The following ASIC2 variants were observed in gnomAD, a reference collection of about 807,000 sequenced individuals.
The protein encoded by ASIC2 is acid sensing ion channel subunit 2.
A neutral mutation model predicts 57.3 loss-of-function variants in ASIC2; 25 were observed. That is an observed-to-expected ratio of 0.44 (90% CI 0.32 to 0.61). ASIC2 has a LOEUF of 0.61. Among genes scored for constraint, ASIC2 ranks in the 20% least tolerant of loss-of-function variants. ASIC2 has a pLI of 0.06. For synonymous variants in ASIC2, 319 were observed against 307.5 expected, an observed-to-expected ratio of 1.04 and a Z score of -0.39; for missense variants, 641 against 738.1, an observed-to-expected ratio of 0.87 and a Z score of 1.52.
intron 1 of ASIC2, among the ~76,000 whole-genome samples, chr17:33,234,050 G>A (rs190656610): frequency 6.6e-6 from 1 of 152,318 alleles, no homozygotes; most frequent in East Asian, 1.9e-4. Flanking sequence ...AGGCACGTGG[G>A]CACCCACATG....
intron 1 of ASIC2, among the ~76,000 whole-genome samples, chr17:33,192,768 C>CTATTATG (rs1906478683): frequency 6.6e-6 from 1 of 152,108 alleles, no homozygotes; most frequent in Non-Finnish European, 1.5e-5. Flanking sequence ...CATAAGTACC[C>CTATTATG]AGATATTAGT....
At chr17:34,000,584 T>A (rs1388201054) in intron 1 of ASIC2, among the ~76,000 whole-genome samples, 1 of 151,996 alleles carries the variant, frequency 6.6e-6, no homozygotes, top group East Asian at 1.9e-4. Flanking sequence ...CTATCTGGAG[T>A]TCTTTGGGCT....
chr17:33,987,045 T>C (rs1226763604), intron 1 of ASIC2, among the ~76,000 whole-genome samples: 1 of 152,212 alleles, frequency 6.6e-6, no homozygotes, highest in Non-Finnish European at 1.5e-5. Flanking sequence ...TCTAAGCATT[T>C]TACATGCATT....
intron 1 of ASIC2, among the ~76,000 whole-genome samples, chr17:33,740,245 G>A (rs1272520915): frequency 6.6e-6 from 1 of 152,224 alleles, no homozygotes; most frequent in Non-Finnish European, 1.5e-5. Flanking sequence ...TACAGCAAGG[G>A]CTATGTATTA....
At chr17:33,371,649 G>A (rs1254568109) in intron 1 of ASIC2, among the ~76,000 whole-genome samples, 1 of 152,064 alleles carries the variant, frequency 6.6e-6, no homozygotes, top group Non-Finnish European at 1.5e-5. Flanking sequence ...GAATTCAAAC[G>A]ATGTGACATG....
chr17:33,701,086 C>G (rs888964896), intron 1 of ASIC2, among the ~76,000 whole-genome samples: 1 of 152,152 alleles, frequency 6.6e-6, no homozygotes, highest in African/African-American at 2.4e-5. Context: ...GTACAGTTCC[C>G]AAAGAGATCA....
intron 1 of ASIC2, among the ~76,000 whole-genome samples, chr17:34,144,497 C>T (rs1012576232): frequency 1.3e-5 from 2 of 152,256 alleles, no homozygotes; most frequent in East Asian, 1.9e-4. Flanking sequence ...TGTTGTATCA[C>T]CAGCTCATCT....
At chr17:33,851,997 G>C (rs770047321) in intron 1 of ASIC2, among the ~76,000 whole-genome samples, 1 of 152,214 alleles carries the variant, frequency 6.6e-6, no homozygotes, top group Non-Finnish European at 1.5e-5. Context: ...ACAAGGGATC[G>C]GATGAAAGGG....
intron 1 of ASIC2, among the ~76,000 whole-genome samples, chr17:33,367,807 T>A (rs1169391461): frequency 6.6e-6 from 1 of 152,220 alleles, no homozygotes; most frequent in East Asian, 1.9e-4. Flanking sequence ...GCAGAGCTCT[T>A]GTCCATTATA....
chr17:33,113,901 G>T (rs1455570287), intron 1 of ASIC2, among the ~76,000 whole-genome samples: 1 of 152,134 alleles, frequency 6.6e-6, no homozygotes, highest in Non-Finnish European at 1.5e-5. Context: ...TGCTGTCCTG[G>T]GAGGGACATG....
At chr17:34,046,763 T>C (rs1012548466) in intron 1 of ASIC2, among the ~76,000 whole-genome samples, 1 of 152,184 alleles carries the variant, frequency 6.6e-6, no homozygotes, top group Non-Finnish European at 1.5e-5. Flanking sequence ...AACATTTTTA[T>C]GGGTGATTTT....
chr17:33,436,169 T>C (rs908866861), intron 1 of ASIC2, among the ~76,000 whole-genome samples: 24 of 152,250 alleles, frequency 1.6e-4, no homozygotes, highest in South Asian at 2.1e-4. Context: ...AGTTTAACCT[T>C]GAAGCAAGGA....
Position 34,156,612 on chromosome 17 carries a change from A to C in ASIC2, c.-80T>G. The stretch of plus-strand genomic sequence containing the variant: ...AGCTCCCAGTCCTCGGGCTCTGCTT[A>C]AACCTTGACGTTCAGGGGAGAGAAC... On this transcript the variant is annotated 5_prime_UTR_variant, in exon 1 of 10. Coordinates refer to the ASIC2 transcript ENST00000359872. The surrounding 1 kb of genome is among the most constrained non-coding windows in gnomAD (Gnocchi z 4.4). 6 of 1,431,400 alleles carry C rather than the reference A, an allele frequency of 4.2e-6. No individual in the cohort carries two copies. Among genetic ancestry groups the C allele is most frequent in the Non-Finnish European group, 5.6e-6 (6 of 1,068,254 alleles). The allele number at this position is 1,431,400 out of a possible 1,614,324, so 88.7% of individuals were successfully genotyped here.
intron 1 of ASIC2, among the ~76,000 whole-genome samples, chr17:33,881,700 A>G (rs896315057): frequency 6.6e-6 from 1 of 152,214 alleles, no homozygotes; most frequent in Non-Finnish European, 1.5e-5. Flanking sequence ...GGTAATTTAT[A>G]GATTCAATGC....
Position 33,023,925 on chromosome 17 carries a change from T to A in ASIC2, c.1285A>T (p.Ile429Phe). Residue 429 changes from isoleucine to phenylalanine, a missense_variant, in exon 6 of 10, where the codon ATC (isoleucine) becomes TTC (phenylalanine). Around this residue, in one of 3 missense-constraint regions of ASIC2, gnomAD observed 252 missense variants for 319.8 expected, o/e 0.79. Coordinates refer to ENST00000225823, the MANE Select transcript of ASIC2 (RefSeq NM_183377.2). ...TACTTGGCTGATGTCTTGCTGGGGA[T>A]CTTCACCATGGAGAGCTCTTTGTTG... ...RYNKELSMVK[I>F]PSKTSAKYLE... 5 of 1,614,224 alleles carry A rather than the reference T, an allele frequency of 3.1e-6. No individual in the cohort carries two copies. Among genetic ancestry groups the A allele is most frequent in the Non-Finnish European group, 3.4e-6 (4 of 1,180,042 alleles).
chr17:33,018,402 C>T (rs905803337), intron 7 of ASIC2, among the ~76,000 whole-genome samples: 2 of 152,188 alleles, frequency 1.3e-5, no homozygotes, highest in Non-Finnish European at 2.9e-5. Flanking sequence ...TTTAAGTTCC[C>T]GCTGGGGGTA....
chr17:33,099,085 C>A (rs2092198694), intron 2 of ASIC2, among the ~76,000 whole-genome samples: 1 of 151,942 alleles, frequency 6.6e-6, no homozygotes, highest in Non-Finnish European at 1.5e-5. Flanking sequence ...CTCTGCCTCT[C>A]AGGTTCAAGC....
chr17:33,761,603 G>T (rs1222616620), intron 1 of ASIC2, among the ~76,000 whole-genome samples: 1 of 152,202 alleles, frequency 6.6e-6, no homozygotes, highest in African/African-American at 2.4e-5. Context: ...GCTTATGCCA[G>T]TGGTGGCTCA....
intron 1 of ASIC2, among the ~76,000 whole-genome samples, chr17:33,749,967 G>A (rs374401141): frequency 1.6e-4 from 24 of 152,238 alleles, no homozygotes; most frequent in Non-Finnish European, 2.9e-4. Flanking sequence ...TCTGCCAGGC[G>A]GGACCTCAGT....
Sources: allele counts gnomAD v4.1 joint callset (sites outside exome capture counted in the v4.1 genomes callset), GRCh38; gene constraint gnomAD v4.1.1; regional missense constraint gnomAD v4.1.1; non-coding constraint Gnocchi (gnomAD v3.1); transcripts MANE v1.5; gene names NCBI Gene and HGNC (gene_info 2026-07-23, HGNC 2026-07-21).